Variants in MBTPS2 observed in about 807,000 individuals in gnomAD.
The protein encoded by MBTPS2 is membrane bound transcription factor peptidase, site 2.
MBTPS2 carries 2 observed loss-of-function variants against 35.4 expected under a neutral mutation model. The observed-to-expected ratio is 0.06, with a 90% confidence interval of 0.02 to 0.18. The LOEUF is 0.18. Ranked by LOEUF, MBTPS2 falls within the 10% of genes least tolerant of loss-of-function variation. The probability of loss-of-function intolerance (pLI) is 1.00; values close to 1 mark genes in which losing one functional copy is unlikely to be tolerated. For synonymous variants in MBTPS2, 125 were observed against 140.4 expected (o/e 0.89, Z 0.77); for missense variants, 244 against 386.5 (o/e 0.63, Z 3.09).
chrX:21,876,812 A>G (rs2147452634), intron 7 of MBTPS2, among the ~76,000 whole-genome samples: 1 of 112,269 alleles, frequency 8.9e-6, no homozygotes, highest in African/African-American at 3.2e-5. Flanking sequence ...CAAAATTTTT[A>G]TAAAATTAAA....
rs1319677403 is a variant in MBTPS2 at position 21,884,654 on chromosome X, G to A, written c.*1999G>A. 15 of 747,897 alleles carry A rather than the reference G, an allele frequency of 2.0e-5. 1 individual carries two copies. In the South Asian group the frequency reaches 2.1e-4, roughly 10 times the overall value. The allele number at this position is 747,897 out of a possible 1,213,427, so 61.6% of individuals were successfully genotyped here. A position where few individuals can be genotyped will look rare whatever the true frequency, so the allele number is the denominator to read the frequency against. ...CATTATGTAAGAAAGAAAATGTTAC[G>A]TGTTTTCTTCTTTAGCTTGGTTGTG... On this transcript the variant is annotated 3_prime_UTR_variant, in exon 11 of 11. Coordinates refer to ENST00000379484, the MANE Select transcript of MBTPS2 (RefSeq NM_015884.4).
chrX:21,851,806 A>G (rs985802703), intron 4 of MBTPS2, among the ~76,000 whole-genome samples, 194 bp downstream of exon 4: 1 of 111,843 alleles, frequency 8.9e-6, no homozygotes, highest in Non-Finnish European at 1.9e-5. Flanking sequence ...GTTGATGAAT[A>G]TGCTCCATTA....
chrX:21,856,256 T>C (rs1215876185), intron 5 of MBTPS2: 1 of 412,356 alleles, frequency 2.4e-6, no homozygotes, highest in Non-Finnish European at 4.1e-6. Flanking sequence ...ACCTGCGCCT[T>C]CCGGCTCGTG....
chrX:21,843,104 A>G, intron 1 of MBTPS2, 66 bp from the exon 2 acceptor site: 2 of 918,589 alleles, frequency 2.2e-6, no homozygotes, highest in Non-Finnish European at 3.2e-6. Context: ...ACTTTGTGTT[A>G]TTTTCTTACA....
chrX:21,869,122 A>G (rs1285501054), intron 6 of MBTPS2, among the ~76,000 whole-genome samples: 6 of 112,335 alleles, frequency 5.3e-5, no homozygotes, highest in Non-Finnish European at 9.4e-5. Flanking sequence ...TTGCCTGCAT[A>G]TTGGGGATAT....
At chrX:21,843,452 G>A (rs2092905015) in intron 2 of MBTPS2, 134 bp downstream of exon 2, 7 of 658,997 alleles carry the variant, frequency 1.1e-5, no homozygotes, top group Non-Finnish European at 1.6e-5. Context: ...AAACTTTCTG[G>A]TTTTATATAA....
intron 7 of MBTPS2, 80 bp downstream of exon 7, chrX:21,869,758 C>A: frequency 5.1e-6 from 4 of 784,092 alleles, no homozygotes; most frequent in Non-Finnish European, 7.9e-6. Context: ...CATGTCTATA[C>A]ATTTATTCTG....
intron 5 of MBTPS2, among the ~76,000 whole-genome samples, chrX:21,864,607 A>C (rs886162798): frequency 9.0e-6 from 1 of 110,864 alleles, no homozygotes; most frequent in African/African-American, 3.3e-5. Flanking sequence ...AGGTTACTTG[A>C]GCTCAGAAGT....
At chrX:21,857,857 C>A in intron 5 of MBTPS2, 1 of 288,531 alleles carries the variant, frequency 3.5e-6, no homozygotes, top group Non-Finnish European at 6.2e-6. Flanking sequence ...AGTTTGGTCC[C>A]AACAGGAGAA....
Position 21,883,054 on chromosome X carries a change from C to T in MBTPS2, c.*399C>T. The T allele has an allele frequency of 6.1e-6, 5 of 816,756 alleles. No individual in the cohort carries two copies. Among genetic ancestry groups the T allele is most frequent in the Non-Finnish European group, 5.9e-6 (4 of 677,467 alleles). 67.3% of individuals were successfully genotyped at this position (816,756 alleles called of 1,213,427 possible). A position where few individuals can be genotyped will look rare whatever the true frequency, so the allele number is the denominator to read the frequency against. ...ATCATTAATCAAAATTTGAAGGAGACCAGACTTTGGCCAAGTGGAAGGATG... is the reference window on the plus strand; with the variant it reads ...ATCATTAATCAAAATTTGAAGGAGATCAGACTTTGGCCAAGTGGAAGGATG... On this transcript the variant is annotated 3_prime_UTR_variant, in exon 11 of 11. Transcript: ENST00000379484.
intron 5 of MBTPS2, chrX:21,856,800 G>A (rs755435591): frequency 1.7e-6 from 2 of 1,211,792 alleles, no homozygotes; most frequent in Non-Finnish European, 2.2e-6. Flanking sequence ...GGACCAGTTG[G>A]CCCTCCCGGA....
chrX:21,856,443 C>T, intron 5 of MBTPS2: 2 of 1,171,821 alleles, frequency 1.7e-6, no homozygotes, highest in Non-Finnish European at 2.3e-6. Flanking sequence ...GTTCTTTTTC[C>T]CACGGTCTTC....
In MBTPS2 at chrX:21,856,343, TTTCTCTGCAGCTCGC is replaced by T. The variant is rs2092921988; in HGVS notation, c.670+2841_670+2855del. ...CGCGCCTTTCTCTGCAGCTCGCGCC[TTTCTCTGCAGCTCGC>T]GCCTTTCTCTGCAGCTCGCCCCTTC... On this transcript the variant is annotated intron_variant, in intron 5 of 10. Coordinates refer to ENST00000379484, the MANE Select transcript of MBTPS2 (RefSeq NM_015884.4). 5.3e-6 allele frequency: 3 copies of T among 561,829 alleles called. No homozygotes were observed. The African/African-American group carries it at 7.1e-5, about 13-fold the overall frequency. The allele number at this position is 561,829 out of a possible 1,213,427, so 46.3% of individuals were successfully genotyped here.
At chrX:21,856,763 A>G in intron 5 of MBTPS2, 1 of 1,212,008 alleles carries the variant, frequency 8.3e-7, no homozygotes, top group Non-Finnish European at 1.1e-6. Flanking sequence ...ATTGCGACTC[A>G]GACAACCAGC....
intron 5 of MBTPS2, among the ~76,000 whole-genome samples, chrX:21,859,812 G>A (rs1278598702): frequency 8.9e-6 from 1 of 111,913 alleles, no homozygotes; most frequent in Non-Finnish European, 1.9e-5. Flanking sequence ...TGCCAATAGT[G>A]CCAGGTGCAG....
At chrX:21,868,404 T>G (rs2092943179) in intron 5 of MBTPS2, 63 bp from the exon 6 acceptor site, 2 of 705,366 alleles carry the variant, frequency 2.8e-6, no homozygotes, top group East Asian at 6.4e-5. Context: ...TGTTGTGAGG[T>G]CCAGCTACTT....
intron 1 of MBTPS2, 58 bp from the exon 2 acceptor site, chrX:21,843,112 A>T (rs2092904511): frequency 2.1e-6 from 2 of 955,672 alleles, no homozygotes; most frequent in Non-Finnish European, 1.5e-6. Context: ...TTATTTTCTT[A>T]CACATTATAA....
At chrX:21,848,678 CAAAA>C (rs1247392152) in intron 3 of MBTPS2, among the ~76,000 whole-genome samples, 2 of 109,848 alleles carry the variant, frequency 1.8e-5, no homozygotes, top group East Asian at 5.7e-4. Context: ...AGACTCGTCT[CAAAA>C]AAATATATAA....
chrX:21,853,215 T>A (rs116826650), intron 4 of MBTPS2, among the ~76,000 whole-genome samples, 161 bp from the exon 5 acceptor site: 4,552 of 111,000 alleles, frequency 0.041, 215 homozygotes, highest in African/African-American at 0.13. Context: ...AAAATTAAGA[T>A]TATATATAGT....
Sources: allele counts gnomAD v4.1 joint callset (sites outside exome capture counted in the v4.1 genomes callset), GRCh38; gene constraint gnomAD v4.1.1; transcripts MANE v1.5; gene names NCBI Gene and HGNC (gene_info 2026-07-23, HGNC 2026-07-21).